Variants in ZNF521 observed in about 807,000 individuals in gnomAD.
ZNF521 encodes the protein zinc finger protein 521.
ZNF521 carries 14 observed loss-of-function variants against 105.5 expected under a neutral mutation model. The ratio of observed to expected loss-of-function variants is 0.13; its 90% CI spans 0.09 to 0.21. ZNF521 has a LOEUF of 0.21. ZNF521 is among the 10% of genes least tolerant of loss of function. ZNF521 has a pLI of 1.00. For synonymous variants in ZNF521, 635 were observed against 606.0 expected, an observed-to-expected ratio of 1.05 and a Z score of -0.70; for missense variants, 1,233 against 1,629.7, an observed-to-expected ratio of 0.76 and a Z score of 4.19.
At position 25,225,309 on chromosome 18, in the gene ZNF521, T is replaced by C. The variant is rs1906041874; in HGVS notation, c.2609A>G (p.Asn870Ser). Residue 870 changes from asparagine (N) to serine (S), a missense_variant, in exon 4 of 8, where the codon AAC becomes AGC. By Grantham distance (46) the Asn-to-Ser change is conservative (BLOSUM62 1). This residue lies in a region of ZNF521 where 614 missense variants were observed against 751.5 expected (regional missense o/e 0.82). Transcript: ENST00000361524. The surrounding 1 kb of genome is among the most constrained non-coding windows in gnomAD (Gnocchi z 5.6). ...TLLTNSQESHNSHDGSEEDVD... is the reference protein window; with the variant it reads ...TLLTNSQESHSSHDGSEEDVD... Reference sequence around the variant, plus strand: ...GTCTTCTTCGCTCCCATCGTGACTGTTGTGGGACTCCTGGCTGTTGGTCAG... The same window carrying C: ...GTCTTCTTCGCTCCCATCGTGACTGCTGTGGGACTCCTGGCTGTTGGTCAG... 2.5e-6 allele frequency: 4 copies of C among 1,614,196 alleles called. No individual in the cohort carries two copies. The highest frequency in any genetic ancestry group is 1.3e-5 in the African/African-American group (1 of 75,050).
At chr18:25,234,529 T>C (rs1470917821) in intron 3 of ZNF521, among the ~76,000 whole-genome samples, 1 of 152,226 alleles carries the variant, frequency 6.6e-6, no homozygotes, top group African/African-American at 2.4e-5. Context: ...CTACTTTTTT[T>C]TTGAAGTTTT....
chr18:25,203,940 T>C (rs2036035624), intron 4 of ZNF521, among the ~76,000 whole-genome samples: 1 of 152,142 alleles, frequency 6.6e-6, no homozygotes, highest in African/African-American at 2.4e-5. Context: ...AAAGCTTGGT[T>C]CTGTCTCTGC....
intron 5 of ZNF521, among the ~76,000 whole-genome samples, chr18:25,114,203 C>T (rs561827064): frequency 6.6e-6 from 1 of 152,230 alleles, no homozygotes; most frequent in Non-Finnish European, 1.5e-5. Flanking sequence ...AATGAATGCC[C>T]TTTATTTATC....
In ZNF521 at chr18:25,083,931, ATTTTTTTTTTTTTTTTTT is replaced by A. The variant is rs56364504; in HGVS notation, c.3906+5516_3906+5533del. ...GACCACAGGCACCTCAACCTGGGTA[ATTTTTTTTTTTTTTTTTT>A]TTTTTTTTTTTTTGGTAGAGATGAG... On this transcript the variant is annotated intron_variant, in intron 7 of 7. Coordinates refer to ENST00000361524, the MANE Select transcript of ZNF521 (RefSeq NM_015461.3). Among the ~76,000 whole-genome samples, 7 of 57,892 alleles carry A rather than the reference ATTTTTTTTTTTTTTTTTT, an allele frequency of 1.2e-4. No homozygotes were observed. The South Asian group carries it at 5.4e-3, about 45-fold the overall frequency. The allele number at this position is 57,892 out of a possible 152,430, so 38.0% of individuals were successfully genotyped here.
chr18:25,200,492 T>C (rs2035974119), intron 4 of ZNF521, among the ~76,000 whole-genome samples: 2 of 152,120 alleles, frequency 1.3e-5, no homozygotes, highest in African/African-American at 2.4e-5. Context: ...ATCTCACTTA[T>C]GTACTCAATT....
intron 5 of ZNF521, among the ~76,000 whole-genome samples, chr18:25,145,387 G>A (rs572050063): frequency 1.3e-5 from 2 of 152,126 alleles, no homozygotes; most frequent in Middle Eastern, 3.4e-3. Flanking sequence ...AACCTCCTAG[G>A]CCTCTTTGGT....
At chr18:25,131,578 C>T (rs1218532232) in intron 5 of ZNF521, among the ~76,000 whole-genome samples, 2 of 152,116 alleles carry the variant, frequency 1.3e-5, no homozygotes, top group African/African-American at 4.8e-5. Context: ...TATTCATTTG[C>T]ATGTCTGGTG....
intron 2 of ZNF521, among the ~76,000 whole-genome samples, chr18:25,328,073 A>G (rs1005312090): frequency 6.6e-6 from 1 of 152,008 alleles, no homozygotes; most frequent in African/African-American, 2.4e-5. Context: ...TTTTCTAACC[A>G]CTCTATTCTC....
intron 5 of ZNF521, among the ~76,000 whole-genome samples, chr18:25,102,361 G>T (rs911582296): frequency 1.3e-5 from 2 of 151,932 alleles, no homozygotes; most frequent in African/African-American, 4.8e-5. Flanking sequence ...TTGAGGAGAA[G>T]CAAGCAACGA....
At chr18:25,135,269 T>C (rs1170814823) in intron 5 of ZNF521, among the ~76,000 whole-genome samples, 2 of 141,256 alleles carry the variant, frequency 1.4e-5, no homozygotes, top group Non-Finnish European at 3.1e-5. Flanking sequence ...TACATACATG[T>C]ATATGTATAC....
At chr18:25,247,536 A>C (rs183186248) in intron 3 of ZNF521, among the ~76,000 whole-genome samples, 5 of 152,324 alleles carry the variant, frequency 3.3e-5, no homozygotes, top group Admixed American at 3.3e-4. Flanking sequence ...TTCTTATCGC[A>C]TTGGACTAGA....
intron 3 of ZNF521, among the ~76,000 whole-genome samples, chr18:25,285,959 G>A (rs760767688): frequency 3.3e-5 from 5 of 152,212 alleles, no homozygotes; most frequent in South Asian, 2.1e-4. Flanking sequence ...ATCAAAGGCC[G>A]ATATTAAATC....
At chr18:25,210,600 C>T (rs2036162663) in intron 4 of ZNF521, among the ~76,000 whole-genome samples, 2 of 152,176 alleles carry the variant, frequency 1.3e-5, no homozygotes, top group African/African-American at 4.8e-5. Flanking sequence ...ATGTGTGGCT[C>T]TGAGAACCTG....
chr18:25,071,211 T>C (rs1336675896), intron 7 of ZNF521, among the ~76,000 whole-genome samples: 2 of 152,158 alleles, frequency 1.3e-5, no homozygotes, highest in African/African-American at 4.8e-5. Context: ...AGTAAATATA[T>C]ACCGTACTGC....
At chr18:25,128,168 A>G (rs932425990) in intron 5 of ZNF521, among the ~76,000 whole-genome samples, 86 of 152,094 alleles carry the variant, frequency 5.7e-4, no homozygotes, top group African/African-American at 2.0e-3. Context: ...CAAGTTCAAC[A>G]TTTGAAAATC....
chr18:25,252,954 A>G (rs1908219056), intron 3 of ZNF521, among the ~76,000 whole-genome samples: 1 of 152,134 alleles, frequency 6.6e-6, no homozygotes, highest in Non-Finnish European at 1.5e-5. Flanking sequence ...CATTTTAAGT[A>G]CTTATAAAAA....
chr18:25,323,720 G>C lies in ZNF521; in HGVS notation c.41-1533C>G, dbSNP rs78912579. Among the ~76,000 whole-genome samples, 812 of 152,276 alleles carry C rather than the reference G, an allele frequency of 5.3e-3. 6 individuals are homozygous for C. The highest frequency in any genetic ancestry group is 0.018 in the African/African-American group (758 of 41,562). ...ACGCCACACCAATATCCTGCTCTCTGAGATTGTTTTCTGCTATGTTGCACA... is the reference window on the plus strand; with the variant it reads ...ACGCCACACCAATATCCTGCTCTCTCAGATTGTTTTCTGCTATGTTGCACA... On this transcript the variant is annotated intron_variant, in intron 2 of 7. Coordinates refer to ENST00000361524, the MANE Select transcript of ZNF521 (RefSeq NM_015461.3).
intron 2 of ZNF521, among the ~76,000 whole-genome samples, chr18:25,350,531 G>A (rs1325464797): frequency 2.0e-5 from 3 of 152,098 alleles, no homozygotes; most frequent in South Asian, 2.1e-4. Context: ...TATTCTTTGC[G>A]AAAACACACA....
At chr18:25,319,901 TA>T (rs547648754) in intron 3 of ZNF521, among the ~76,000 whole-genome samples, 217 of 152,302 alleles carry the variant, frequency 1.4e-3, no homozygotes, top group Admixed American at 4.8e-3. Flanking sequence ...AACCTGAATT[TA>T]ATCCTTGGGA....
Sources: allele counts gnomAD v4.1 joint callset (sites outside exome capture counted in the v4.1 genomes callset), GRCh38; gene constraint gnomAD v4.1.1; regional missense constraint gnomAD v4.1.1; non-coding constraint Gnocchi (gnomAD v3.1); transcripts MANE v1.5; gene names NCBI Gene and HGNC (gene_info 2026-07-23, HGNC 2026-07-21).